DUSP15: variants seen among roughly 807,000 people sequenced by gnomAD.
The protein encoded by DUSP15 is dual specificity phosphatase 15, also known as dual specificity protein phosphatase 15.
Under a neutral mutation model 26.3 loss-of-function variants are expected in DUSP15, and 23 were observed. That is an observed-to-expected ratio of 0.87 (90% CI 0.63 to 1.24). DUSP15 has a LOEUF of 1.24. Ranked by LOEUF, DUSP15 falls within the 50% of genes most tolerant of loss-of-function variation. The probability of loss-of-function intolerance (pLI) is 0.00; values close to 1 mark genes in which losing one functional copy is unlikely to be tolerated. For missense variants in DUSP15, 364 were observed against 320.6 expected (o/e 1.14, Z -1.03); for synonymous variants, 143 against 135.5 (o/e 1.06, Z -0.39).
chr20:31,848,524 T>TA lies in DUSP15; in HGVS notation c.767dup (p.Ser257LysfsTer30), dbSNP rs2062405094. On this transcript the variant is annotated frameshift_variant, in exon 10 of 10. Coordinates refer to the DUSP15 transcript ENST00000278979. LOFTEE classifies it low-confidence loss of function (END_TRUNC). ...CATCTGGGCGCTCGGTTGAGGCACT[T>TA]AGAGTGCAGGACGAGCTCCCAGGCC... The TA allele has an allele frequency of 5.6e-6, 9 of 1,605,274 alleles. No individual in the cohort carries two copies. The highest frequency in any genetic ancestry group is 7.6e-6 in the Non-Finnish European group (9 of 1,177,026).
At position 31,867,074 on chromosome 20, in the gene DUSP15, C is replaced by G. The variant is rs145028065; in HGVS notation, c.135G>C (p.Leu45=). ...ISIHESPQPL[L]QDITYLRIPV... ...CTGGGATGGGGGTAAGAAGTACCTGCAGCAGAGGCTGGGGTGACTCATGGA... is the reference window on the plus strand; with the variant it reads ...CTGGGATGGGGGTAAGAAGTACCTGGAGCAGAGGCTGGGGTGACTCATGGA... The change falls in exon 3 of 7, where the codon CTG becomes CTC. Residue 45 remains leucine, a synonymous_variant. Transcript: ENST00000339738. 1 of 1,581,752 alleles carries G rather than the reference C, an allele frequency of 6.3e-7. No homozygotes were observed. The highest frequency in any genetic ancestry group is 8.6e-7 in the Non-Finnish European group (1 of 1,162,756).
intron 4 of DUSP15, 137 bp downstream of exon 4, chr20:31,864,816 A>G: frequency 1.1e-6 from 1 of 918,578 alleles, no homozygotes; most frequent in Non-Finnish European, 1.7e-6. Context: ...GACAGAGTCA[A>G]ACCTGGGACT....
downstream of DUSP15, among the ~76,000 whole-genome samples, chr20:31,859,135 G>A (rs1027395234): frequency 5.9e-5 from 9 of 152,142 alleles, no homozygotes; most frequent in African/African-American, 2.2e-4. Flanking sequence ...GCTAGTGGGT[G>A]GTGGAGCCAG....
Position 31,861,621 on chromosome 20 carries a change from C to T in DUSP15, c.490G>A (p.Glu164Lys), listed in dbSNP as rs1158132825. The change falls in exon 7 of 7, where the codon GAG becomes AAG. Residue 164 changes from glutamate to lysine, a missense_variant. Transcript: ENST00000339738. ...FGESPFRDEE[E>K]LRALLPLCKR... ...CACAGCGGCAGCAGCGCGCGCAACT[C>T]CTCCTCGTCGCGGAAGGGGCTCTCG... 6.7e-7 allele frequency: 1 copy of T among 1,493,322 alleles called. No individual in the cohort carries two copies. The highest frequency in any genetic ancestry group is 1.5e-5 in the African/African-American group (1 of 68,548). 92.5% of individuals were successfully genotyped at this position (1,493,322 alleles called of 1,614,324 possible).
chr20:31,853,821 C>T (rs936453489), intron 6 of DUSP15, among the ~76,000 whole-genome samples: 1 of 152,082 alleles, frequency 6.6e-6, no homozygotes, highest in Non-Finnish European at 1.5e-5. Context: ...GGTGGTTGGT[C>T]TCGAACTCTT....
At chr20:31,858,262 T>G (rs909804979), downstream of DUSP15, among the ~76,000 whole-genome samples, 1 of 152,120 alleles carries the variant, frequency 6.6e-6, no homozygotes, top group African/African-American at 2.4e-5. This position sits in a 1 kb window ranked among gnomAD's most constrained non-coding sequence, Gnocchi z 4.4. Flanking sequence ...GCACCCACTC[T>G]CAATCTGTGC....
Position 31,869,551 on chromosome 20 carries a change from G to A in DUSP15, c.55+13C>T. 6.2e-7 allele frequency: 1 copy of A among 1,611,188 alleles called. No homozygotes were observed. Among genetic ancestry groups the A allele is most frequent in the Non-Finnish European group, 8.5e-7 (1 of 1,178,892 alleles). On this transcript the variant is annotated intron_variant, in intron 2 of 6. Transcript: ENST00000339738. ...GAGTGCCATGGCCTCGGGACAGAGT[G>A]GGCAGTGCTCACCAATGAAGTTTCC...
intron 6 of DUSP15, among the ~76,000 whole-genome samples, chr20:31,855,304 C>T (rs2062542670): frequency 6.6e-6 from 1 of 152,092 alleles, no homozygotes; most frequent in South Asian, 2.1e-4. Flanking sequence ...TGCCATTCTG[C>T]GCACATCCAT....
At position 31,870,388 on chromosome 20, in the gene DUSP15, C is replaced by T; in HGVS notation, c.-51G>A. On this transcript the variant is annotated 5_prime_UTR_variant, in exon 1 of 7. Transcript: ENST00000339738. The surrounding 1 kb of genome is among the most constrained non-coding windows in gnomAD (Gnocchi z 6.6). ...CACCCCCAGCTCGCCGCCCGGGAAG[C>T]GATCCGGTCACAGCTGCCCTGACGG... is the stretch of plus-strand genomic sequence containing the variant. 2 of 1,279,490 alleles carry T rather than the reference C, an allele frequency of 1.6e-6. No individual in the cohort carries two copies. Among genetic ancestry groups the T allele is most frequent in the Non-Finnish European group, 2.0e-6 (2 of 1,013,542 alleles). 79.3% of individuals were successfully genotyped at this position (1,279,490 alleles called of 1,614,324 possible).
intron 7 of DUSP15, chr20:31,849,902 T>C (rs772804092): frequency 1.4e-6 from 2 of 1,457,616 alleles, no homozygotes; most frequent in Admixed American, 5.1e-5. Context: ...GTGCACGGGC[T>C]GGACGTGGGC....
chr20:31,855,910 A>G (rs1016978766), intron 6 of DUSP15, among the ~76,000 whole-genome samples: 2 of 152,198 alleles, frequency 1.3e-5, no homozygotes, highest in African/African-American at 2.4e-5. Context: ...AAATAAATGA[A>G]TGCATCGGGG....
At chr20:31,846,247 GACAC>G (rs766672932), downstream of DUSP15, among the ~76,000 whole-genome samples, 1 of 143,154 alleles carries the variant, frequency 7.0e-6, no homozygotes, top group South Asian at 2.2e-4. Context: ...CACATACACA[GACAC>G]ACAGAGACAT....
chr20:31,863,723 C>T (rs2062708523), intron 5 of DUSP15, 184 bp downstream of exon 5: 3 of 594,348 alleles, frequency 5.0e-6, no homozygotes, highest in African/African-American at 3.7e-5. Context: ...GCTATGGCCA[C>T]ACAGCTCATA....
intron 6 of DUSP15, among the ~76,000 whole-genome samples, chr20:31,851,104 G>A (rs1196664085): frequency 6.6e-6 from 1 of 152,168 alleles, no homozygotes; most frequent in Non-Finnish European, 1.5e-5. Flanking sequence ...GAACTTTGAA[G>A]TTTCAGAGCT....
At chr20:31,847,518 T>G (rs1021816170), downstream of DUSP15, 2 of 152,216 alleles carry the variant, frequency 1.3e-5, no homozygotes, top group Non-Finnish European at 2.9e-5. Flanking sequence ...AATCACAGTT[T>G]TCCCCCCATG....
intron 6 of DUSP15, 25 bp from the exon 7 acceptor site, chr20:31,861,700 G>A (rs1208772191): frequency 1.6e-6 from 2 of 1,282,070 alleles, no homozygotes; most frequent in Non-Finnish European, 2.0e-6. Context: ...TGAGGTGGGC[G>A]GGGTCAAGGC....
downstream of DUSP15, among the ~76,000 whole-genome samples, chr20:31,856,587 G>A (rs543067929): frequency 2.8e-4 from 43 of 152,222 alleles, no homozygotes; most frequent in Non-Finnish European, 4.6e-4. Context: ...GAATGAAGCT[G>A]GAAGGTGGGG....
chr20:31,869,703 G>A (rs1482337360), intron 1 of DUSP15, 106 bp from the exon 2 acceptor site: 4 of 1,546,328 alleles, frequency 2.6e-6, no homozygotes, highest in Non-Finnish European at 2.6e-6. Flanking sequence ...GAAGGGTATG[G>A]ACCTCAGGGC....
chr20:31,853,619 C>T (rs1000974509), intron 6 of DUSP15, among the ~76,000 whole-genome samples: 2 of 148,590 alleles, frequency 1.3e-5, no homozygotes, highest in Non-Finnish European at 3.0e-5. Context: ...CCCAGGAGGT[C>T]GAGGCTGCAG....
Sources: gnomAD v4.1 joint callset for allele counts (sites outside exome capture counted in the v4.1 genomes callset) on GRCh38, gnomAD v4.1.1 for gene constraint, Gnocchi (gnomAD v3.1) non-coding constraint, MANE v1.5 for transcripts, NCBI Gene and HGNC (gene_info 2026-07-23, HGNC 2026-07-21) for gene names.